The following TRIP12 variants were observed in gnomAD, a reference collection of about 807,000 sequenced individuals.
TRIP12 encodes E3 ubiquitin-protein ligase TRIP12.
A neutral mutation model predicts 244.2 loss-of-function variants in TRIP12; 25 were observed. That is an observed-to-expected ratio of 0.10 (90% CI 0.07 to 0.14). TRIP12 has a LOEUF of 0.14. Among genes scored for constraint, TRIP12 ranks in the 10% least tolerant of loss-of-function variants. The pLI is 1.00. For missense variants in TRIP12, 1,677 were observed against 2,486.4 expected, an observed-to-expected ratio of 0.67 and a Z score of 6.92; for synonymous variants, 905 against 873.1, an observed-to-expected ratio of 1.04 and a Z score of -0.64.
chr2:229,864,630 C>G (rs1194732638), intron 2 of TRIP12, among the ~76,000 whole-genome samples: 1 of 151,278 alleles, frequency 6.6e-6, no homozygotes, highest in Non-Finnish European at 1.5e-5. Context: ...ATTGAAAGGT[C>G]TTTCCCCATT....
intron 34 of TRIP12, among the ~76,000 whole-genome samples, chr2:229,781,027 T>A (rs1398194806): frequency 1.3e-5 from 2 of 152,228 alleles, no homozygotes; most frequent in Non-Finnish European, 2.9e-5. Flanking sequence ...ATCAAATTAG[T>A]CTATTTCCTT....
intron 1 of TRIP12, among the ~76,000 whole-genome samples, chr2:229,912,446 TCTC>T (rs1007256782): frequency 2.0e-5 from 3 of 152,194 alleles, no homozygotes; most frequent in African/African-American, 7.2e-5. Context: ...ACTTCAATAA[TCTC>T]AGCCCAATTT....
chr2:229,883,177 A>C (rs909884017), intron 1 of TRIP12, among the ~76,000 whole-genome samples: 1 of 152,210 alleles, frequency 6.6e-6, no homozygotes, highest in Non-Finnish European at 1.5e-5. Context: ...GAAAGTTCCA[A>C]GTAATTTGTT....
At chr2:229,769,348 A>C (rs2033222269) in intron 39 of TRIP12, 23 bp from the exon 40 acceptor site, 2 of 1,608,804 alleles carry the variant, frequency 1.2e-6, no homozygotes, top group African/African-American at 2.7e-5. Context: ...ATAAGGGTAA[A>C]AAGAATTACT....
chr2:229,914,684 G>T (rs2075037325), intron 1 of TRIP12, among the ~76,000 whole-genome samples: 1 of 152,152 alleles, frequency 6.6e-6, no homozygotes, highest in Non-Finnish European at 1.5e-5. Flanking sequence ...CACTGCCCAC[G>T]GCTAGAGTGA....
intron 2 of TRIP12, among the ~76,000 whole-genome samples, chr2:229,866,616 T>C (rs528674608): frequency 1.3e-4 from 20 of 152,312 alleles, no homozygotes; most frequent in African/African-American, 3.8e-4. Flanking sequence ...TTGAGAACCA[T>C]TGTACTAAGC....
intron 1 of TRIP12, among the ~76,000 whole-genome samples, chr2:229,907,735 C>T (rs2073209329): frequency 1.3e-5 from 2 of 151,928 alleles, no homozygotes; most frequent in African/African-American, 4.8e-5. Flanking sequence ...CCCACAAGTT[C>T]GAAGCTGCAG....
At chr2:229,918,418 A>C (rs1471688959) in intron 1 of TRIP12, among the ~76,000 whole-genome samples, 1 of 152,194 alleles carries the variant, frequency 6.6e-6, no homozygotes, top group African/African-American at 2.4e-5. Context: ...TCCACTTAAA[A>C]GGGGGGAAAG....
chr2:229,818,995 T>A (rs545024164), intron 8 of TRIP12, among the ~76,000 whole-genome samples: 4 of 150,736 alleles, frequency 2.7e-5, no homozygotes, highest in South Asian at 2.1e-4. Context: ...CAACAACGTA[T>A]CTAACAAAAA....
chr2:229,859,484 C>T lies in TRIP12; in HGVS notation c.315G>A (p.Val105=), dbSNP rs770974287. Residue 105 remains valine, a synonymous_variant, in exon 4 of 42, where the codon GTG becomes GTA. Transcript: ENST00000675903. ...NTSERQKTGQ[V]PKKDNSRGVK... ...CTCCTCGAGAATTGTCTTTCTTAGG[C>T]ACCTGCCCCGTTTTTTGTCTTTCTG... 3.7e-6 allele frequency: 6 copies of T among 1,614,030 alleles called. No individual in the cohort carries two copies. Among genetic ancestry groups the T allele is most frequent in the Middle Eastern group, 1.6e-4 (1 of 6,084 alleles).
intron 2 of TRIP12, among the ~76,000 whole-genome samples, chr2:229,864,047 A>AGAGAGAGAGAGTGTGAGTGT: frequency 1.3e-5 from 1 of 79,292 alleles, no homozygotes; most frequent in Non-Finnish European, 2.5e-5. Flanking sequence ...AGAGAGAGAG[A>AGAGAGAGAGAGTGTGAGTGT]GTGTGTGTGT....
In TRIP12 at chr2:229,787,596, C is replaced by T. The variant is rs2154255374; in HGVS notation, c.4904G>A (p.Arg1635Gln). The T allele has an allele frequency of 6.2e-7, 1 of 1,612,794 alleles. No individual in the cohort carries two copies. The highest frequency in any genetic ancestry group is 1.3e-5 in the African/African-American group (1 of 74,892). ...GGTATCAAGTAATCTTTGCATTGCTCGGTCCCGATCAAATGCAGTTACATA... is the reference window on the plus strand; with the variant it reads ...GGTATCAAGTAATCTTTGCATTGCTTGGTCCCGATCAAATGCAGTTACATA... ...LFYVTAFDRD[R>Q]AMQRLLDTNP... is the part of the protein sequence containing the mutation. Residue 1635 changes from arginine to glutamine, a missense_variant, in exon 33 of 42, where the codon CGA (arginine) becomes CAA (glutamine). Arg to Gln is a conservative substitution (Grantham distance 43). Transcript: ENST00000675903.
intron 1 of TRIP12, among the ~76,000 whole-genome samples, chr2:229,894,059 G>A (rs1255055617): frequency 3.9e-5 from 6 of 152,148 alleles, no homozygotes; most frequent in Admixed American, 1.3e-4. Flanking sequence ...GGAGGCTGAG[G>A]CAAGAGAAGC....
At chr2:229,835,236 T>A (rs1171662071) in intron 6 of TRIP12, among the ~76,000 whole-genome samples, 2 of 152,222 alleles carry the variant, frequency 1.3e-5, no homozygotes, top group Non-Finnish European at 2.9e-5. Flanking sequence ...GTATTTTTTA[T>A]CACCAGCTAC....
rs367782179 is a variant in TRIP12 at position 229,772,877 on chromosome 2, T to C, written c.5694+1220A>G. Among the ~76,000 whole-genome samples, 47 of 152,154 alleles carry C rather than the reference T, an allele frequency of 3.1e-4. 1 individual carries two copies. Among genetic ancestry groups the C allele is most frequent in the African/African-American group, 1.1e-3 (47 of 41,506 alleles). On this transcript the variant is annotated intron_variant, in intron 38 of 41. Coordinates refer to ENST00000675903, the MANE Select transcript of TRIP12 (RefSeq NM_001348323.3). ...GTCACAAAGCAAGTTAGTGGAAAGG[T>C]CAGTTCAAGGGGTAGATAGCCATTC...
At chr2:229,896,961 C>G (rs1191023353) in intron 1 of TRIP12, among the ~76,000 whole-genome samples, 1 of 152,096 alleles carries the variant, frequency 6.6e-6, no homozygotes, top group Non-Finnish European at 1.5e-5. Context: ...CTAATGTAAA[C>G]TAGGGACTCT....
chr2:229,919,614 A>C (rs967537807), intron 1 of TRIP12, among the ~76,000 whole-genome samples: 2 of 147,442 alleles, frequency 1.4e-5, no homozygotes, highest in Non-Finnish European at 3.0e-5. Context: ...AAAGTAAATG[A>C]AAAAAAAAAA....
intron 1 of TRIP12, among the ~76,000 whole-genome samples, chr2:229,904,416 CAAAAAAAA>C (rs34224407): frequency 1.1e-5 from 1 of 87,624 alleles, no homozygotes; most frequent in African/African-American, 4.7e-5. Context: ...ACTCCATCTC[CAAAAAAAA>C]AAAAAAAAAA....
intron 21 of TRIP12, among the ~76,000 whole-genome samples, chr2:229,801,177 A>T (rs2044238114): frequency 1.3e-5 from 2 of 152,178 alleles, no homozygotes; most frequent in African/African-American, 4.8e-5. Context: ...AGGGATGTGG[A>T]AGAGTCCCCA....
Sources: gnomAD v4.1 joint callset for allele counts (sites outside exome capture counted in the v4.1 genomes callset) on GRCh38, gnomAD v4.1.1 for gene constraint, MANE v1.5 for transcripts, NCBI Gene and HGNC (gene_info 2026-07-23, HGNC 2026-07-21) for gene names.